Variants in TUSC3 observed in about 807,000 individuals in gnomAD.
The protein encoded by TUSC3 is tumor suppressor candidate 3, also known as dolichyl-diphosphooligosaccharide--protein glycosyltransferase subunit TUSC3.
TUSC3 carries 45 observed loss-of-function variants against 44.8 expected under a neutral mutation model. That is an observed-to-expected ratio of 1.00 (90% CI 0.79 to 1.29). The LOEUF is 1.29. TUSC3 is among the 50% of genes most tolerant of loss of function. The probability of loss-of-function intolerance (pLI) is 0.00; values close to 1 mark genes in which losing one functional copy is unlikely to be tolerated. For synonymous variants in TUSC3, 212 were observed against 152.9 expected, an observed-to-expected ratio of 1.39 and a Z score of -2.85; for missense variants, 519 against 437.9, an observed-to-expected ratio of 1.19 and a Z score of -1.65.
At chr8:15,650,053 TA>T (rs1194960930) in intron 2 of TUSC3, among the ~76,000 whole-genome samples, 1 of 152,294 alleles carries the variant, frequency 6.6e-6, no homozygotes, top group East Asian at 1.9e-4. Context: ...AAATATCTAA[TA>T]AAAATGTGTT....
chr8:15,619,243 A>T (rs951620188), intron 1 of TUSC3, among the ~76,000 whole-genome samples: 28 of 152,198 alleles, frequency 1.8e-4, no homozygotes, highest in African/African-American at 6.8e-4. Context: ...GTTATTCCAG[A>T]ACATGGATTT....
At chr8:15,528,865 C>T (rs538577420) in intron 2 of TUSC3, among the ~76,000 whole-genome samples, 1 of 152,060 alleles carries the variant, frequency 6.6e-6, no homozygotes, top group Non-Finnish European at 1.5e-5. Flanking sequence ...TGCATTATGC[C>T]AAAAAGCAGT....
At chr8:15,816,306 T>C in the TUSC3 span, among the ~76,000 whole-genome samples, 1 of 152,130 alleles carries the variant, frequency 6.6e-6, no homozygotes, top group South Asian at 2.1e-4. Flanking sequence ...GGGCCATCCA[T>C]TGCATGAGTA....
intron 1 of TUSC3, among the ~76,000 whole-genome samples, chr8:15,616,148 C>G (rs1445126727): frequency 6.6e-6 from 1 of 151,860 alleles, no homozygotes; most frequent in Admixed American, 6.6e-5. Flanking sequence ...GAAATGAAGA[C>G]TCTTAAAGAA....
chr8:15,823,550 A>G, the TUSC3 span, among the ~76,000 whole-genome samples: 18 of 152,210 alleles, frequency 1.2e-4, no homozygotes, highest in Non-Finnish European at 2.2e-4. Context: ...TCCAAATAAA[A>G]GATACCATAA....
intron 1 of TUSC3, among the ~76,000 whole-genome samples, chr8:15,471,620 T>A (rs1440387597): frequency 8.1e-5 from 8 of 98,276 alleles, no homozygotes; most frequent in African/African-American, 1.5e-4. Flanking sequence ...CCAGTTCTGA[T>A]TTTTTTTTTT....
chr8:15,770,279 G>C (rs530181967), downstream of TUSC3, among the ~76,000 whole-genome samples: 9 of 152,236 alleles, frequency 5.9e-5, no homozygotes, highest in Non-Finnish European at 1.3e-4. Context: ...GATGAAGCTG[G>C]AAACCATCCT....
intron 1 of TUSC3, among the ~76,000 whole-genome samples, chr8:15,590,756 C>T (rs184530991): frequency 1.3e-5 from 2 of 151,938 alleles, no homozygotes; most frequent in Admixed American, 1.3e-4. Context: ...ATTGTTGCCT[C>T]TACCTCCTGG....
At chr8:15,534,514 G>T (rs1003002024) in intron 2 of TUSC3, among the ~76,000 whole-genome samples, 1 of 151,894 alleles carries the variant, frequency 6.6e-6, no homozygotes, top group Non-Finnish European at 1.5e-5. Flanking sequence ...TTGGTGGTGG[G>T]CTCCTGTAGT....
chr8:15,687,250 G>C (rs1273151689), intron 6 of TUSC3, among the ~76,000 whole-genome samples: 1 of 152,110 alleles, frequency 6.6e-6, no homozygotes, highest in Admixed American at 6.5e-5. Context: ...TAGTAGTACA[G>C]ATACATCATG....
intron 2 of TUSC3, among the ~76,000 whole-genome samples, chr8:15,514,082 C>G (rs888937027): frequency 6.6e-6 from 1 of 152,094 alleles, no homozygotes. Context: ...CACCACTTCC[C>G]AAATATGCAT....
chr8:15,594,875 G>C (rs2129152031), intron 1 of TUSC3, among the ~76,000 whole-genome samples: 1 of 152,230 alleles, frequency 6.6e-6, no homozygotes, highest in African/African-American at 2.4e-5. Context: ...ATTCATTGCT[G>C]GTTGCCCACG....
intron 6 of TUSC3, among the ~76,000 whole-genome samples, chr8:15,707,853 G>C (rs190365786): frequency 7.2e-5 from 11 of 151,938 alleles, no homozygotes; most frequent in African/African-American, 2.4e-4. Flanking sequence ...AGATTAGCGG[G>C]GTTGGTTTTT....
Position 15,540,517 on chromosome 8 carries a change from C to CCTG in TUSC3, c.99_101dup (p.Leu34dup), listed in dbSNP as rs770272071. On this transcript the variant is annotated inframe_insertion, in exon 1 of 11. Transcript: ENST00000503731. ...CCACCGGGAGCTTTCCCTTCCTTCT[C>CCTG]CTGCTGCTGCTGCTCTGCATCCAGC... 17 of 1,607,480 alleles carry CCTG rather than the reference C, an allele frequency of 1.1e-5. No homozygotes were observed. In the Middle Eastern group the frequency reaches 6.6e-4, roughly 62 times the overall value.
At chr8:15,643,959 C>T (rs998506871) in intron 2 of TUSC3, among the ~76,000 whole-genome samples, 34 of 152,048 alleles carry the variant, frequency 2.2e-4, no homozygotes, top group African/African-American at 4.8e-5. Context: ...ACGTATATAA[C>T]TGTAAAGACA....
At chr8:15,811,340 C>A in the TUSC3 span, among the ~76,000 whole-genome samples, 1 of 152,104 alleles carries the variant, frequency 6.6e-6, no homozygotes, top group Admixed American at 6.5e-5. Context: ...TAACTACATC[C>A]CCTCCACACC....
rs2129226030 is a variant in TUSC3 at position 15,764,913 on chromosome 8, A to AAACTT, written c.*761_*765dup. ...GGAATCCAGACTTAAAAATAAGAGCAAACTTAACACACTATCCATTTTCGA... is the reference window on the plus strand; with the variant it reads ...GGAATCCAGACTTAAAAATAAGAGCAAACTTAACTTAACACACTATCCATTTTCGA... On this transcript the variant is annotated 3_prime_UTR_variant, in exon 11 of 11. Coordinates refer to ENST00000503731, the MANE Select transcript of TUSC3 (RefSeq NM_006765.4). 1 of 152,140 alleles carries AAACTT rather than the reference A, an allele frequency of 6.6e-6. No individual in the cohort carries two copies. Among genetic ancestry groups the AAACTT allele is most frequent in the Non-Finnish European group, 1.5e-5 (1 of 67,940 alleles). The allele number at this position is 152,140 out of a possible 1,614,324, so 9.4% of individuals were successfully genotyped here. A position where few individuals can be genotyped will look rare whatever the true frequency, so the allele number is the denominator to read the frequency against.
At chr8:15,826,480 A>T in the TUSC3 span, among the ~76,000 whole-genome samples, 1 of 152,196 alleles carries the variant, frequency 6.6e-6, no homozygotes, top group Non-Finnish European at 1.5e-5. Flanking sequence ...AATATATTGC[A>T]ACTATTTAGA....
chr8:15,757,844 C>T lies in TUSC3; in HGVS notation c.*35C>T, dbSNP rs371847967. On this transcript the variant is annotated 3_prime_UTR_variant, in exon 10 of 11. Transcript: ENST00000503731. ...ATTTGGACCATGGCACTTAAAAACT[C>T]TATAACCTCAGGCAAGTCTTTTAAT... 2.2e-5 allele frequency: 30 copies of T among 1,386,204 alleles called. No homozygotes were observed. In the African/African-American group the frequency reaches 4.1e-4, roughly 19 times the overall value. 85.9% of individuals were successfully genotyped at this position (1,386,204 alleles called of 1,614,324 possible).
Sources: gnomAD v4.1 joint callset for allele counts (sites outside exome capture counted in the v4.1 genomes callset) on GRCh38, gnomAD v4.1.1 for gene constraint, MANE v1.5 for transcripts, NCBI Gene and HGNC (gene_info 2026-07-23, HGNC 2026-07-21) for gene names.